ATP5PF: variants seen among roughly 807,000 people sequenced by gnomAD.
ATP5PF encodes the protein ATP synthase peripheral stalk subunit F6, mitochondrial.
A neutral mutation model predicts 12.0 loss-of-function variants in ATP5PF; 7 were observed. That is an observed-to-expected ratio of 0.58 (90% CI 0.33 to 1.10). The LOEUF is 1.10. ATP5PF is among the 50% of genes least tolerant of loss of function. The pLI is 0.03. For synonymous variants in ATP5PF, 41 were observed against 45.4 expected, an observed-to-expected ratio of 0.90 and a Z score of 0.39; for missense variants, 120 against 127.7, an observed-to-expected ratio of 0.94 and a Z score of 0.29.
At chr21:25,730,418 G>A (rs2034730847) in intron 1 of ATP5PF, among the ~76,000 whole-genome samples, 1 of 152,174 alleles carries the variant, frequency 6.6e-6, no homozygotes, top group Non-Finnish European at 1.5e-5. Flanking sequence ...TGGTGAAGGA[G>A]ATGGAAGTCT....
At chr21:25,733,952 A>G in intron 1 of ATP5PF, among the ~76,000 whole-genome samples, 1 of 152,218 alleles carries the variant, frequency 6.6e-6, no homozygotes, top group East Asian at 1.9e-4. Flanking sequence ...TTCTAATTTT[A>G]GTATTCATCC....
At chr21:25,726,060 A>G (rs1374703003) in intron 2 of ATP5PF, among the ~76,000 whole-genome samples, 6 of 152,208 alleles carry the variant, frequency 3.9e-5, no homozygotes, top group Admixed American at 2.6e-4. Flanking sequence ...TCTAAATTTT[A>G]GTTTCCACAA....
At chr21:25,732,402 T>C (rs562023877) in intron 1 of ATP5PF, among the ~76,000 whole-genome samples, 2 of 152,024 alleles carry the variant, frequency 1.3e-5, no homozygotes, top group East Asian at 3.9e-4. Flanking sequence ...ATCCCAGCAC[T>C]TTGGAAGAAC....
Position 25,729,731 on chromosome 21 carries a change from G to A in ATP5PF, c.64C>T (p.Arg22Trp), listed in dbSNP as rs140201687. ...ACTGCTGTAACACCAATGTTCCTCC[G>A]CAAATGGACTGAGACGGCTGACCGA... Reference protein sequence around the residue: ...VIRSAVSVHLRRNIGVTAVAF... With the variant: ...VIRSAVSVHLWRNIGVTAVAF... The change falls in exon 2 of 4, where the codon CGG becomes TGG. Residue 22 changes from arginine (R) to tryptophan (W), a missense_variant. Coordinates refer to ENST00000284971, the MANE Select transcript of ATP5PF (RefSeq NM_001003703.2). 589 of 1,613,740 alleles carry A rather than the reference G, an allele frequency of 3.6e-4. 1 individual carries two copies. Among genetic ancestry groups the A allele is most frequent in the Middle Eastern group, 1.4e-3 (8 of 5,870 alleles).
At chr21:25,728,967 T>C (rs1371217133) in intron 2 of ATP5PF, among the ~76,000 whole-genome samples, 1 of 151,608 alleles carries the variant, frequency 6.6e-6, no homozygotes, top group Non-Finnish European at 1.5e-5. Context: ...AAAATGGAAC[T>C]ATGAATTGGT....
At chr21:25,733,380 A>C (rs1327650170) in intron 1 of ATP5PF, among the ~76,000 whole-genome samples, 1 of 152,102 alleles carries the variant, frequency 6.6e-6, no homozygotes, top group Non-Finnish European at 1.5e-5. Flanking sequence ...AATACAAAAA[A>C]TTAGCCAGGC....
At chr21:25,725,720 T>A (rs955969380) in intron 2 of ATP5PF, among the ~76,000 whole-genome samples, 20 of 152,364 alleles carry the variant, frequency 1.3e-4, no homozygotes, top group African/African-American at 4.8e-4. Flanking sequence ...ATTACAGGCG[T>A]GAGCCACCAC....
In ATP5PF at chr21:25,724,592, G is replaced by A. The variant is rs759141938; in HGVS notation, c.*48C>T. On this transcript the variant is annotated 3_prime_UTR_variant, in exon 4 of 4. Coordinates refer to ENST00000284971, the MANE Select transcript of ATP5PF (RefSeq NM_001003703.2). ...TTTATTCTGAAACTTCTAACTAGTT[G>A]TACAACTAATCCGTGACAAATTACC... 9 of 1,582,122 alleles carry A rather than the reference G, an allele frequency of 5.7e-6. No individual in the cohort carries two copies. The highest frequency in any genetic ancestry group is 6.9e-6 in the Non-Finnish European group (8 of 1,158,274).
chr21:25,734,379 T>A, intron 1 of ATP5PF: 1 of 990,990 alleles, frequency 1.0e-6, no homozygotes, highest in Non-Finnish European at 1.2e-6. Flanking sequence ...CATATTCCTA[T>A]GAACAATCCA....
Position 25,734,612 on chromosome 21 carries a change from C to A in ATP5PF, c.-8+241G>T, listed in dbSNP as rs917149750. 15 of 427,614 alleles carry A rather than the reference C, an allele frequency of 3.5e-5. No homozygotes were observed. In the Admixed American group the frequency reaches 4.8e-4, roughly 14 times the overall value. The allele number at this position is 427,614 out of a possible 1,614,324, so 26.5% of individuals were successfully genotyped here. A position where few individuals can be genotyped will look rare whatever the true frequency, so the allele number is the denominator to read the frequency against. ...GGCCCGAGACCCCCGGGCCTCCCTGCCCCCCGCGCCGCCCCGATTTGCCCT... is the reference window on the plus strand; with the variant it reads ...GGCCCGAGACCCCCGGGCCTCCCTGACCCCCGCGCCGCCCCGATTTGCCCT... On this transcript the variant is annotated intron_variant, in intron 1 of 3. Transcript: ENST00000284971.
chr21:25,727,577 C>T (rs917095844), intron 2 of ATP5PF, among the ~76,000 whole-genome samples: 4 of 152,120 alleles, frequency 2.6e-5, no homozygotes, highest in Non-Finnish European at 5.9e-5. Flanking sequence ...GGATGCCAGC[C>T]CAGGGTCTAC....
intron 2 of ATP5PF, among the ~76,000 whole-genome samples, chr21:25,727,027 G>A (rs1371146594): frequency 6.6e-6 from 1 of 152,188 alleles, no homozygotes; most frequent in Non-Finnish European, 1.5e-5. Flanking sequence ...CTCTGTCTGT[G>A]CTGTCCAGTG....
intron 1 of ATP5PF, among the ~76,000 whole-genome samples, chr21:25,732,876 A>G (rs929364386): frequency 2.1e-4 from 31 of 145,984 alleles, no homozygotes; most frequent in African/African-American, 7.6e-4. Flanking sequence ...CCAGCTACTC[A>G]GGAGGCTGAG....
chr21:25,732,923 G>A (rs879762361), intron 1 of ATP5PF, among the ~76,000 whole-genome samples: 4 of 144,666 alleles, frequency 2.8e-5, no homozygotes, highest in Admixed American at 7.0e-5. Flanking sequence ...CGGAGGTTGC[G>A]GTGAGCCGAG....
At chr21:25,727,811 T>C (rs1254706716) in intron 2 of ATP5PF, among the ~76,000 whole-genome samples, 4 of 152,236 alleles carry the variant, frequency 2.6e-5, no homozygotes, top group East Asian at 3.8e-4. Context: ...CTTAACAGTA[T>C]GATTTTTGGC....
At position 25,725,276 on chromosome 21, in the gene ATP5PF, T is replaced by G; in HGVS notation, c.239A>C (p.Gln80Pro). Reference protein sequence around the residue: ...ELERELFKLKQMFGNADMNTF... With the variant: ...ELERELFKLKPMFGNADMNTF... The stretch of plus-strand genomic sequence containing the variant: ...ATTCATGTCTGCATTACCAAACATT[T>G]GCTTGAGCTTAAAAAGCTCCCTCTC... The change falls in exon 3 of 4, where the codon CAA becomes CCA. Residue 80 changes from glutamine to proline, a missense_variant. Physicochemically the swap from Gln to Pro is moderately conservative, Grantham distance 76. Transcript: ENST00000284971. The G allele has an allele frequency of 6.2e-7, 1 of 1,613,526 alleles. No individual in the cohort carries two copies. Among genetic ancestry groups the G allele is most frequent in the Non-Finnish European group, 8.5e-7 (1 of 1,179,984 alleles).
intron 1 of ATP5PF, among the ~76,000 whole-genome samples, chr21:25,733,875 C>T (rs1350111338): frequency 1.3e-5 from 2 of 152,216 alleles, no homozygotes; most frequent in Non-Finnish European, 2.9e-5. Context: ...TTCTGCAACA[C>T]GGGTAAAATC....
chr21:25,724,830 A>C, intron 3 of ATP5PF, 153 bp from the exon 4 acceptor site: 1 of 762,088 alleles, frequency 1.3e-6, no homozygotes, highest in Non-Finnish European at 2.1e-6. Flanking sequence ...ACATTTATGC[A>C]ACACTTTCTA....
intron 1 of ATP5PF, among the ~76,000 whole-genome samples, chr21:25,731,116 C>A (rs1299747783): frequency 6.6e-6 from 1 of 152,088 alleles, no homozygotes; most frequent in African/African-American, 2.4e-5. Context: ...CTAGCGCGTG[C>A]CTGTAATCCC....
Sources: allele counts gnomAD v4.1 joint callset (sites outside exome capture counted in the v4.1 genomes callset), GRCh38; gene constraint gnomAD v4.1.1; transcripts MANE v1.5; gene names NCBI Gene and HGNC (gene_info 2026-07-23, HGNC 2026-07-21).